The following ARHGAP32 variants were observed in gnomAD, a reference collection of about 807,000 sequenced individuals.
The protein encoded by ARHGAP32 is Rho GTPase activating protein 32, also known as rho GTPase-activating protein 32.
ARHGAP32 carries 51 observed loss-of-function variants against 186.5 expected under a neutral mutation model. The ratio of observed to expected loss-of-function variants is 0.27; its 90% CI spans 0.22 to 0.35. The LOEUF is 0.35. Ranked by LOEUF, ARHGAP32 falls within the 10% of genes least tolerant of loss-of-function variation. ARHGAP32 has a pLI of 1.00. For missense variants in ARHGAP32, 2,186 were observed against 2,623.5 expected (o/e 0.83, Z 3.64); for synonymous variants, 950 against 964.3 (o/e 0.99, Z 0.27).
At chr11:129,138,172 T>G (rs1475709900) in intron 2 of ARHGAP32, among the ~76,000 whole-genome samples, 2 of 151,772 alleles carry the variant, frequency 1.3e-5, no homozygotes, top group Admixed American at 6.6e-5. Flanking sequence ...GAATTTAAAT[T>G]CAAAATTCAA....
intron 11 of ARHGAP32, among the ~76,000 whole-genome samples, chr11:129,002,546 T>C (rs1035306822): frequency 6.6e-6 from 1 of 152,194 alleles, no homozygotes; most frequent in African/African-American, 2.4e-5. Flanking sequence ...ACAAGGATAA[T>C]TTGGCTGCTG....
Position 129,024,032 on chromosome 11 carries a change from C to T in ARHGAP32, c.1045+16896G>A, listed in dbSNP as rs1022640887. ...ACCACAGGTTAACTTCAAGTTAGGT[C>T]CCACATCACTGCCGGGTTCCAGCTG... On this transcript the variant is annotated intron_variant, in intron 11 of 22. Coordinates refer to ENST00000682385, the MANE Select transcript of ARHGAP32 (RefSeq NM_001378024.1). 4 of 985,394 alleles carry T rather than the reference C, an allele frequency of 4.1e-6. No individual in the cohort carries two copies. The African/African-American group carries it at 7.0e-5, about 17-fold the overall frequency. 61.0% of individuals were successfully genotyped at this position (985,394 alleles called of 1,614,324 possible).
chr11:129,068,955 A>G (rs1940785967), intron 6 of ARHGAP32, among the ~76,000 whole-genome samples: 1 of 152,094 alleles, frequency 6.6e-6, no homozygotes, highest in South Asian at 2.1e-4. Flanking sequence ...TCACACAGGT[A>G]TGTGAAAGAA....
At chr11:129,115,726 C>T (rs1352524166) in intron 5 of ARHGAP32, among the ~76,000 whole-genome samples, 1 of 152,066 alleles carries the variant, frequency 6.6e-6, no homozygotes, top group Admixed American at 6.6e-5. Flanking sequence ...CTGAACTTAA[C>T]CCAGTAACCC....
chr11:129,138,745 A>G (rs1033500365), intron 2 of ARHGAP32, among the ~76,000 whole-genome samples: 2 of 152,190 alleles, frequency 1.3e-5, no homozygotes, highest in Non-Finnish European at 2.9e-5. Context: ...AAAACACTAT[A>G]AACTCCATAC....
intron 11 of ARHGAP32, among the ~76,000 whole-genome samples, chr11:129,035,372 G>A (rs1159574778): frequency 6.6e-6 from 1 of 152,176 alleles, no homozygotes; most frequent in Non-Finnish European, 1.5e-5. Flanking sequence ...ATAGGAACTT[G>A]AAATTTTCAG....
At chr11:129,219,238 G>A (rs923109485) in intron 1 of ARHGAP32, among the ~76,000 whole-genome samples, 1 of 151,984 alleles carries the variant, frequency 6.6e-6, no homozygotes, top group Admixed American at 6.6e-5. Flanking sequence ...TTTCCTATCA[G>A]GAAATAAATA....
chr11:128,977,851 TTTATTA>T (rs58982581), intron 19 of ARHGAP32, among the ~76,000 whole-genome samples: 37,040 of 138,748 alleles, frequency 0.27, 5,149 homozygotes, highest in East Asian at 0.43. Flanking sequence ...TTATTTGCAA[TTTATTA>T]TTATTATTAT....
intron 7 of ARHGAP32, among the ~76,000 whole-genome samples, chr11:129,065,330 G>A (rs1253855327): frequency 6.6e-6 from 1 of 152,024 alleles, no homozygotes; most frequent in Non-Finnish European, 1.5e-5. Flanking sequence ...CCTGTGGCAG[G>A]AGCAGCCATG....
At chr11:129,116,328 A>C (rs1165062322) in intron 5 of ARHGAP32, among the ~76,000 whole-genome samples, 1 of 152,068 alleles carries the variant, frequency 6.6e-6, no homozygotes, top group Non-Finnish European at 1.5e-5. Flanking sequence ...TACACATCTA[A>C]TTCTTGGACT....
upstream of ARHGAP32, among the ~76,000 whole-genome samples, chr11:129,193,167 A>T (rs1296769885): frequency 2.6e-5 from 4 of 151,680 alleles, no homozygotes; most frequent in African/African-American, 9.7e-5. Flanking sequence ...GTCTTCTTGA[A>T]TTTTCATATT....
chr11:129,064,117 A>C (rs1940606870), intron 8 of ARHGAP32, 93 bp from the exon 9 acceptor site: 1 of 1,214,558 alleles, frequency 8.2e-7, no homozygotes, highest in African/African-American at 1.7e-5. Flanking sequence ...TAATTTAGAG[A>C]TACAATAACC....
At chr11:128,989,859 C>T (rs1945996913) in intron 12 of ARHGAP32, among the ~76,000 whole-genome samples, 1 of 152,088 alleles carries the variant, frequency 6.6e-6, no homozygotes. Flanking sequence ...TGGCTTCCAA[C>T]TTCATCCATG....
chr11:129,217,178 T>C (rs1359545174), intron 1 of ARHGAP32, among the ~76,000 whole-genome samples: 1 of 152,190 alleles, frequency 6.6e-6, no homozygotes, highest in Non-Finnish European at 1.5e-5. Flanking sequence ...TCTTTATTAC[T>C]GTAAACCTCC....
intron 2 of ARHGAP32, among the ~76,000 whole-genome samples, chr11:129,129,241 G>A (rs1005241187): frequency 1.3e-4 from 19 of 143,830 alleles, no homozygotes; most frequent in Admixed American, 1.3e-3. Flanking sequence ...CAGCTGCCCC[G>A]TCTGGGAAGT....
chr11:129,080,294 A>T (rs2135216921), intron 6 of ARHGAP32, among the ~76,000 whole-genome samples: 1 of 152,290 alleles, frequency 6.6e-6, no homozygotes, highest in Middle Eastern at 3.4e-3. Flanking sequence ...CAACTGCAGA[A>T]TATACATTCT....
At chr11:129,003,099 G>C (rs1937607346) in intron 11 of ARHGAP32, among the ~76,000 whole-genome samples, 2 of 152,188 alleles carry the variant, frequency 1.3e-5, no homozygotes, top group African/African-American at 4.8e-5. Flanking sequence ...CCCGGCCAAG[G>C]GATGTTGAAT....
Position 128,974,420 on chromosome 11 carries a change from G to A in ARHGAP32, c.2777C>T (p.Ser926Leu). 3 of 1,614,172 alleles carry A rather than the reference G, an allele frequency of 1.9e-6. No homozygotes were observed. Among genetic ancestry groups the A allele is most frequent in the Non-Finnish European group, 8.5e-7 (1 of 1,180,002 alleles). The change falls in exon 21 of 23, where the codon TCA (serine) becomes TTA (leucine). Residue 926 changes from serine (S) to leucine (L), a missense_variant. Ser to Leu is a moderately radical substitution (Grantham distance 145). Around this residue, in one of 5 missense-constraint regions of ARHGAP32, gnomAD observed 1,502 missense variants for 1,570.0 expected, o/e 0.96. Coordinates refer to ENST00000682385, the MANE Select transcript of ARHGAP32 (RefSeq NM_001378024.1). Reference sequence around the variant, plus strand: ...TGACACCCGTGGTGGTAGGGTCACTGAAATTGGCTCAGATATGCTCATAGA... The same window carrying A: ...TGACACCCGTGGTGGTAGGGTCACTAAAATTGGCTCAGATATGCTCATAGA... ...SPSMSISEPI[S>L]VTLPPRVSEV... is the part of the protein sequence containing the mutation.
At position 128,970,815 on chromosome 11, in the gene ARHGAP32, G is replaced by A. The variant is rs1483917963; in HGVS notation, c.4398C>T (p.Asp1466=). 3.1e-6 allele frequency: 5 copies of A among 1,614,052 alleles called. No individual in the cohort carries two copies. The highest frequency in any genetic ancestry group is 2.2e-5 in the East Asian group (1 of 44,882). The change falls in exon 23 of 23, where the codon GAC becomes GAT. Residue 1466 remains aspartate (D), a synonymous_variant. Coordinates refer to ENST00000682385, the MANE Select transcript of ARHGAP32 (RefSeq NM_001378024.1). The surrounding 1 kb of genome is among the most constrained non-coding windows in gnomAD (Gnocchi z 5.8). Reference sequence around the variant, plus strand: ...CAGGAAGTGGTAAAGGCAATGCATCGTCCACAGAGGTGGATGAAGCAGTGA... The same window carrying A: ...CAGGAAGTGGTAAAGGCAATGCATCATCCACAGAGGTGGATGAAGCAGTGA... The part of the protein sequence containing the change: ...SFVTASSTSV[D]DALPLPLPVP...
Sources: gnomAD v4.1 joint callset for allele counts (sites outside exome capture counted in the v4.1 genomes callset) on GRCh38, gnomAD v4.1.1 for gene constraint, gnomAD v4.1.1 regional missense constraint, Gnocchi (gnomAD v3.1) non-coding constraint, MANE v1.5 for transcripts, NCBI Gene and HGNC (gene_info 2026-07-23, HGNC 2026-07-21) for gene names.